Variants in CNTNAP2 observed in about 807,000 individuals in gnomAD.
CNTNAP2 encodes the protein contactin-associated protein-like 2.
A neutral mutation model predicts 155.2 loss-of-function variants in CNTNAP2; 98 were observed. That is an observed-to-expected ratio of 0.63 (90% CI 0.54 to 0.75). CNTNAP2 has a LOEUF of 0.75. Ranked by LOEUF, CNTNAP2 falls within the 30% of genes least tolerant of loss-of-function variation. The probability of loss-of-function intolerance (pLI) is 0.00; values close to 1 mark genes in which losing one functional copy is unlikely to be tolerated. For synonymous variants in CNTNAP2, 651 were observed against 631.2 expected (o/e 1.03, Z -0.47); for missense variants, 1,727 against 1,688.1 (o/e 1.02, Z -0.40).
At chr7:146,528,793 G>A (rs998102490) in intron 1 of CNTNAP2, among the ~76,000 whole-genome samples, 28 of 152,106 alleles carry the variant, frequency 1.8e-4, no homozygotes, top group African/African-American at 6.8e-4. Flanking sequence ...TATGAGAACT[G>A]GAGGGTGAAG....
chr7:146,340,185 A>T (rs1584877592), intron 1 of CNTNAP2, among the ~76,000 whole-genome samples: 1 of 149,682 alleles, frequency 6.7e-6, no homozygotes, highest in East Asian at 1.9e-4. Context: ...AAAAAAAAAA[A>T]AAAAAAGAAA....
At chr7:148,077,333 C>A (rs536134551) in intron 15 of CNTNAP2, among the ~76,000 whole-genome samples, 2 of 152,032 alleles carry the variant, frequency 1.3e-5, no homozygotes, top group South Asian at 4.2e-4. Context: ...ACCACACATA[C>A]TAACAATATG....
chr7:148,385,840 C>CG (rs1394362086), intron 22 of CNTNAP2, among the ~76,000 whole-genome samples: 1 of 146,092 alleles, frequency 6.8e-6, no homozygotes, highest in East Asian at 2.1e-4. Flanking sequence ...TGGGTTTAAG[C>CG]GATTCTCCTG....
chr7:147,508,721 G>T (rs1356102102), intron 11 of CNTNAP2, among the ~76,000 whole-genome samples: 1 of 152,142 alleles, frequency 6.6e-6, no homozygotes, highest in Non-Finnish European at 1.5e-5. Flanking sequence ...TCTCAGCATA[G>T]GGAATACGTC....
chr7:147,383,445 T>C (rs1322508790), intron 9 of CNTNAP2, among the ~76,000 whole-genome samples: 4 of 152,216 alleles, frequency 2.6e-5, no homozygotes, highest in Non-Finnish European at 5.9e-5. Context: ...TTGTGAATTT[T>C]GTGTCAACAA....
chr7:146,632,486 A>T (rs1799525502), intron 1 of CNTNAP2, among the ~76,000 whole-genome samples: 1 of 152,066 alleles, frequency 6.6e-6, no homozygotes, highest in African/African-American at 2.4e-5. Flanking sequence ...AACATTGGCC[A>T]TGTGTTCAAA....
At chr7:146,439,474 C>A (rs927058383) in intron 1 of CNTNAP2, among the ~76,000 whole-genome samples, 1 of 151,354 alleles carries the variant, frequency 6.6e-6, no homozygotes, top group African/African-American at 2.5e-5. Flanking sequence ...TTCTTTCCTC[C>A]TGGTATTATA....
intron 1 of CNTNAP2, among the ~76,000 whole-genome samples, chr7:146,446,643 G>A (rs1796406816): frequency 6.6e-6 from 1 of 152,116 alleles, no homozygotes; most frequent in Non-Finnish European, 1.5e-5. Flanking sequence ...GTTGGTGAAG[G>A]TAGCTCCCAG....
chr7:146,240,657 G>A (rs1799546153), intron 1 of CNTNAP2, among the ~76,000 whole-genome samples: 1 of 151,932 alleles, frequency 6.6e-6, no homozygotes, highest in South Asian at 2.1e-4. Flanking sequence ...CTCAAATTAA[G>A]TGTGAAAAAT....
intron 1 of CNTNAP2, among the ~76,000 whole-genome samples, chr7:146,538,491 G>A (rs1797903387): frequency 1.3e-5 from 2 of 151,942 alleles, no homozygotes; most frequent in African/African-American, 4.8e-5. Flanking sequence ...GCCACAGTGG[G>A]CAATCTTCTT....
chr7:148,017,014 C>A (rs565096444), intron 15 of CNTNAP2, among the ~76,000 whole-genome samples: 1 of 152,290 alleles, frequency 6.6e-6, no homozygotes, highest in East Asian at 1.9e-4. Flanking sequence ...TTTCATCAAA[C>A]CTGATTCATA....
intron 10 of CNTNAP2, among the ~76,000 whole-genome samples, chr7:147,418,202 T>G (rs1028909764): frequency 1.3e-5 from 2 of 152,204 alleles, no homozygotes; most frequent in Non-Finnish European, 2.9e-5. Context: ...AAAAGATTCA[T>G]TGATGGAAAG....
intron 1 of CNTNAP2, among the ~76,000 whole-genome samples, chr7:146,770,982 A>G (rs544331079): frequency 2.6e-5 from 4 of 152,224 alleles, no homozygotes; most frequent in Admixed American, 6.5e-5. Flanking sequence ...TTCTCCTAGC[A>G]TGATCCTGCA....
intron 13 of CNTNAP2, among the ~76,000 whole-genome samples, chr7:147,691,695 A>C (rs531627689): frequency 1.3e-5 from 2 of 152,270 alleles, no homozygotes; most frequent in South Asian, 4.1e-4. Flanking sequence ...TAATATTTTC[A>C]ATAAGCTTTA....
chr7:146,118,030 T>C (rs1026266031), intron 1 of CNTNAP2, among the ~76,000 whole-genome samples: 4 of 152,242 alleles, frequency 2.6e-5, no homozygotes, highest in Admixed American at 2.6e-4. Context: ...ATTCGTCATA[T>C]GCGAAGTAGT....
At chr7:147,311,554 C>T (rs1795126491) in intron 9 of CNTNAP2, among the ~76,000 whole-genome samples, 1 of 152,126 alleles carries the variant, frequency 6.6e-6, no homozygotes, top group African/African-American at 2.4e-5. Context: ...TTTAGAGCAG[C>T]CAACTCTGAC....
chr7:148,382,029 C>A (rs1055209130), intron 21 of CNTNAP2, among the ~76,000 whole-genome samples: 3 of 152,218 alleles, frequency 2.0e-5, no homozygotes, highest in Admixed American at 2.0e-4. Context: ...AAAGAAACAA[C>A]AGTTGAAACA....
At chr7:146,810,753 A>G (rs1381023940) in intron 2 of CNTNAP2, among the ~76,000 whole-genome samples, 1 of 152,056 alleles carries the variant, frequency 6.6e-6, no homozygotes, top group Non-Finnish European at 1.5e-5. Context: ...CACCATTAAG[A>G]GTAATGTTAG....
At chr7:147,223,965 G>T (rs1315963698) in intron 8 of CNTNAP2, among the ~76,000 whole-genome samples, 2 of 148,890 alleles carry the variant, frequency 1.3e-5, no homozygotes, top group South Asian at 2.1e-4. Context: ...AAGAAAGAAA[G>T]AAAAAAGAAA....
Sources: gnomAD v4.1 joint callset for allele counts (sites outside exome capture counted in the v4.1 genomes callset) on GRCh38, gnomAD v4.1.1 for gene constraint, MANE v1.5 for transcripts, NCBI Gene and HGNC (gene_info 2026-07-23, HGNC 2026-07-21) for gene names.